HSD17B12: variants seen among roughly 807,000 people sequenced by gnomAD.
The protein encoded by HSD17B12 is hydroxysteroid 17-beta dehydrogenase 12.
In HSD17B12, 32 loss-of-function variants were observed where a neutral mutation model predicts 39.3. The observed-to-expected ratio is 0.81, with a 90% CI of 0.61 to 1.09. HSD17B12 has a LOEUF of 1.09. HSD17B12 is among the 50% of genes least tolerant of loss of function. The pLI is 0.00. For synonymous variants in HSD17B12, 150 were observed against 146.7 expected, an observed-to-expected ratio of 1.02 and a Z score of -0.16; for missense variants, 342 against 382.9, an observed-to-expected ratio of 0.89 and a Z score of 0.89.
In HSD17B12 at chr11:43,816,248, G is replaced by C. The variant is rs553829123; in HGVS notation, c.457-99G>C. The C allele has an allele frequency of 2.0e-5, 20 of 998,608 alleles. No individual in the cohort carries two copies. In the African/African-American group the frequency reaches 3.2e-4, roughly 16 times the overall value. 61.9% of individuals were successfully genotyped at this position (998,608 alleles called of 1,614,324 possible). ...TTTTTCCAAAATCTCTGCAATATCT[G>C]GGGAAATGTTCAATGCTTCTCTAGA... On this transcript the variant is annotated intron_variant, in intron 5 of 10. Coordinates refer to ENST00000278353, the MANE Select transcript of HSD17B12 (RefSeq NM_016142.3).
At chr11:43,629,923 GA>G in the HSD17B12 span, among the ~76,000 whole-genome samples, 1 of 152,110 alleles carries the variant, frequency 6.6e-6, no homozygotes, top group Admixed American at 6.5e-5. Context: ...AGATACTAAA[GA>G]AAAATCATAA....
chr11:43,594,425 C>T, the HSD17B12 span, among the ~76,000 whole-genome samples: 1 of 151,596 alleles, frequency 6.6e-6, no homozygotes, highest in Non-Finnish European at 1.5e-5. Context: ...AAAAAAAGTA[C>T]CCTAAAAGAA....
the HSD17B12 span, among the ~76,000 whole-genome samples, chr11:43,588,338 C>A: frequency 6.6e-6 from 1 of 152,274 alleles, no homozygotes; most frequent in African/African-American, 2.4e-5. Flanking sequence ...GGAATCTGAA[C>A]TTGTAAAGTC....
rs749195210 is a variant in HSD17B12, at chr11:43,847,715, C to CAAAAAAA, written c.685-6988_685-6982dup. On this transcript the variant is annotated intron_variant, in intron 9 of 10. Coordinates refer to ENST00000278353, the MANE Select transcript of HSD17B12 (RefSeq NM_016142.3). The stretch of plus-strand genomic sequence containing the variant: ...GGTGGCAGAGCAAGACTCTGCCTCA[C>CAAAAAAA]AAAAAAAAAAAAAAAAAAGAGAAAT... 8.5e-4 allele frequency among the ~76,000 whole-genome samples: 73 copies of CAAAAAAA among 85,536 alleles called. 2 individuals are homozygous for CAAAAAAA. The highest frequency in any genetic ancestry group is 0.017 in the Middle Eastern group (2 of 120). The allele number at this position is 85,536 out of a possible 152,430, so 56.1% of individuals were successfully genotyped here.
At chr11:43,707,153 T>C (rs1032176364) in intron 1 of HSD17B12, among the ~76,000 whole-genome samples, 4 of 152,220 alleles carry the variant, frequency 2.6e-5, no homozygotes, top group Admixed American at 2.6e-4. Flanking sequence ...ACCACTGGTA[T>C]GTCAGACGCT....
intron 1 of HSD17B12, among the ~76,000 whole-genome samples, chr11:43,691,591 A>G (rs1396038199): frequency 6.6e-6 from 1 of 151,824 alleles, no homozygotes; most frequent in Non-Finnish European, 1.5e-5. Context: ...TCTTACACTC[A>G]CTCTGGCGCA....
At chr11:43,581,564 G>A in the HSD17B12 span, 1 of 415,430 alleles carries the variant, frequency 2.4e-6, no homozygotes, top group South Asian at 1.7e-5. The surrounding 1 kb of genome is among the most constrained non-coding windows in gnomAD (Gnocchi z 4.9). Context: ...AGCCTTACCC[G>A]GCCCTTTCCC....
the HSD17B12 span, chr11:43,581,346 G>A: frequency 2.1e-6 from 1 of 477,010 alleles, no homozygotes; most frequent in East Asian, 6.5e-5. The surrounding 1 kb of genome is among the most constrained non-coding windows in gnomAD (Gnocchi z 4.9). Context: ...AGGGTTCGGA[G>A]ACATCCTGGG....
At chr11:43,676,208 GGTGTGT>G (rs56092553), upstream of HSD17B12, among the ~76,000 whole-genome samples, 8 of 147,728 alleles carry the variant, frequency 5.4e-5, no homozygotes, top group African/African-American at 2.0e-4. Flanking sequence ...AGAGGAAGAG[GGTGTGT>G]GTGTGTGTGT....
the HSD17B12 span, among the ~76,000 whole-genome samples, chr11:43,650,127 T>G: frequency 6.6e-6 from 1 of 152,202 alleles, no homozygotes; most frequent in Non-Finnish European, 1.5e-5. Flanking sequence ...GTGGGTGGTT[T>G]GTTTTGCCAT....
At chr11:43,821,501 C>A (rs61883829) in intron 6 of HSD17B12, among the ~76,000 whole-genome samples, 1 of 152,086 alleles carries the variant, frequency 6.6e-6, no homozygotes, top group African/African-American at 2.4e-5. Context: ...AGAACAATGA[C>A]CTTTATCCCA....
In HSD17B12 at chr11:43,798,493, G is replaced by A. The variant is rs1376943689; in HGVS notation, c.391+66G>A. On this transcript the variant is annotated intron_variant, in intron 4 of 10. Coordinates refer to ENST00000278353, the MANE Select transcript of HSD17B12 (RefSeq NM_016142.3). ...ATTATTTGACTTTATGACTTTGGAT[G>A]TTAAGTGGTAAAATGACTAGTGAGA... 8 of 1,017,642 alleles carry A rather than the reference G, an allele frequency of 7.9e-6. No homozygotes were observed. In the African/African-American group the frequency reaches 9.7e-5, roughly 12 times the overall value. 63.0% of individuals were successfully genotyped at this position (1,017,642 alleles called of 1,614,324 possible).
chr11:43,768,629 A>C (rs767501564), intron 3 of HSD17B12, among the ~76,000 whole-genome samples: 4 of 152,220 alleles, frequency 2.6e-5, no homozygotes, highest in Non-Finnish European at 5.9e-5. Flanking sequence ...TGCTGACTTC[A>C]AGATTGAAGC....
intron 3 of HSD17B12, among the ~76,000 whole-genome samples, chr11:43,771,134 C>T (rs1950645158): frequency 2.0e-5 from 3 of 152,164 alleles, no homozygotes; most frequent in African/African-American, 4.8e-5. Context: ...CTAACATTAT[C>T]ATTTAATTTT....
chr11:43,626,647 A>C, the HSD17B12 span, among the ~76,000 whole-genome samples: 1 of 151,960 alleles, frequency 6.6e-6, no homozygotes, highest in African/African-American at 2.4e-5. Flanking sequence ...TAATGTTTTC[A>C]AAGGAAAATA....
At chr11:43,796,947 A>G (rs2135042523) in intron 3 of HSD17B12, among the ~76,000 whole-genome samples, 1 of 152,234 alleles carries the variant, frequency 6.6e-6, no homozygotes, top group East Asian at 1.9e-4. Flanking sequence ...TGGACCAGCT[A>G]TTGTGAAATT....
chr11:43,746,250 TCTTG>T (rs1950411688), intron 1 of HSD17B12, among the ~76,000 whole-genome samples: 1 of 152,224 alleles, frequency 6.6e-6, no homozygotes, highest in Non-Finnish European at 1.5e-5. Context: ...TATAAATTTA[TCTTG>T]CTTATCTTTT....
chr11:43,791,409 G>A (rs1365112313), intron 3 of HSD17B12, among the ~76,000 whole-genome samples: 1 of 152,072 alleles, frequency 6.6e-6, no homozygotes, highest in Non-Finnish European at 1.5e-5. Context: ...GTGGGTGCCT[G>A]TAATCCCAGC....
intron 9 of HSD17B12, among the ~76,000 whole-genome samples, chr11:43,846,052 T>G (rs939298775): frequency 6.6e-6 from 1 of 152,230 alleles, no homozygotes; most frequent in African/African-American, 2.4e-5. Flanking sequence ...CGGTGTGCCT[T>G]GAGGCAGAGA....
Sources: allele counts gnomAD v4.1 joint callset (sites outside exome capture counted in the v4.1 genomes callset), GRCh38; gene constraint gnomAD v4.1.1; non-coding constraint Gnocchi (gnomAD v3.1); transcripts MANE v1.5; gene names NCBI Gene and HGNC (gene_info 2026-07-23, HGNC 2026-07-21).